The following CATSPER2 variants were observed in gnomAD, a reference collection of about 807,000 sequenced individuals.
The protein encoded by CATSPER2 is cation channel sperm associated 2.
Under a neutral mutation model 68.8 loss-of-function variants are expected in CATSPER2, and 56 were observed. The ratio of observed to expected loss-of-function variants is 0.81; its 90% CI spans 0.66 to 1.02. The LOEUF is 1.02. Among genes scored for constraint, CATSPER2 ranks in the 50% least tolerant of loss-of-function variants. The pLI, the probability that CATSPER2 is intolerant of heterozygous loss-of-function variation, is 0.00. For synonymous variants in CATSPER2, 198 were observed against 229.9 expected, an observed-to-expected ratio of 0.86 and a Z score of 1.26; for missense variants, 582 against 642.0, an observed-to-expected ratio of 0.91 and a Z score of 1.01.
intron 1 of CATSPER2, 45 bp downstream of exon 1, chr15:43,648,584 G>A (rs936133658): frequency 2.9e-5 from 40 of 1,366,358 alleles, no homozygotes; most frequent in Middle Eastern, 5.4e-4. Context: ...ACACTCCTTC[G>A]GGGGCTAGCT....
At chr15:43,641,413 G>A (rs1168946553) in intron 4 of CATSPER2, among the ~76,000 whole-genome samples, 2 of 151,204 alleles carry the variant, frequency 1.3e-5, no homozygotes, top group South Asian at 4.2e-4. Context: ...ACACCTGGCC[G>A]AAACCTATTA....
rs918632665 is a variant in CATSPER2 at position 43,629,831 on chromosome 15, A to G, written c.*870T>C. ...CGGTCCAGAAACAGGTAAAAATAAT[A>G]TCCAATTAAAGTTAATGGTTCACAA... is the stretch of plus-strand genomic sequence containing the variant. On this transcript the variant is annotated 3_prime_UTR_variant, in exon 13 of 13. Coordinates refer to ENST00000396879, the MANE Select transcript of CATSPER2 (RefSeq NM_172095.4). 4.1e-4 allele frequency: 62 copies of G among 151,882 alleles called. No individual in the cohort carries two copies. Among genetic ancestry groups the G allele is most frequent in the African/African-American group, 1.4e-3 (58 of 41,286 alleles). The allele number at this position is 151,882 out of a possible 1,614,324, so 9.4% of individuals were successfully genotyped here.
intron 4 of CATSPER2, among the ~76,000 whole-genome samples, chr15:43,643,929 G>A (rs1456881902): frequency 6.6e-6 from 1 of 151,874 alleles, no homozygotes; most frequent in Non-Finnish European, 1.5e-5. Flanking sequence ...GCTCACTGCT[G>A]CCTCAATCTC....
At chr15:43,640,181 G>A in intron 5 of CATSPER2, 143 bp downstream of exon 5, 2 of 1,558,214 alleles carry the variant, frequency 1.3e-6, no homozygotes, top group Non-Finnish European at 1.7e-6. Flanking sequence ...AATGATTGAT[G>A]TTTAGTTTTA....
intron 7 of CATSPER2, among the ~76,000 whole-genome samples, chr15:43,637,164 T>C (rs2085979705): frequency 6.6e-6 from 1 of 151,902 alleles, no homozygotes; most frequent in Non-Finnish European, 1.5e-5. Context: ...TGGACTCCAC[T>C]TAATAGAAGA....
In CATSPER2 at chr15:43,632,360, C is replaced by G. The variant is rs558757476; in HGVS notation, c.1400G>C (p.Arg467Pro). Reference sequence around the variant, plus strand: ...GTGCACAAGAGTCTCCCAGTCCAAACGACCTGCAGGGAGGAATGCTTCAGA... The same window carrying G: ...GTGCACAAGAGTCTCCCAGTCCAAAGGACCTGCAGGGAGGAATGCTTCAGA... ...SESRFSESIG[R>P]LDWETLVHEN... Residue 467 changes from arginine to proline, a missense_variant, in exon 12 of 13, where the codon CGT becomes CCT. By Grantham distance (103) the Arg-to-Pro change is moderately radical. Coordinates refer to ENST00000396879, the MANE Select transcript of CATSPER2 (RefSeq NM_172095.4). 1.7e-5 allele frequency: 27 copies of G among 1,613,412 alleles called. No individual in the cohort carries two copies. Among genetic ancestry groups the G allele is most frequent in the Non-Finnish European group, 2.1e-5 (25 of 1,179,836 alleles).
chr15:43,637,546 T>G (rs1352573335), intron 7 of CATSPER2: 1 of 151,940 alleles, frequency 6.6e-6, no homozygotes, highest in Non-Finnish European at 1.5e-5. Flanking sequence ...CTGACAAGAT[T>G]GAATTCTAAT....
At position 43,648,831 on chromosome 15, in the gene CATSPER2, C is replaced by G. The variant is rs2086224786; in HGVS notation, c.-205G>C. On this transcript the variant is annotated 5_prime_UTR_variant, in exon 1 of 13. Coordinates refer to ENST00000396879, the MANE Select transcript of CATSPER2 (RefSeq NM_172095.4). ...CCTAGCCCCTACCCACAGCCCAGGA[C>G]CATGCGGAGCAACGCTCGCCCAGCC... 1.3e-6 allele frequency: 2 copies of G among 1,531,226 alleles called. No homozygotes were observed. Among genetic ancestry groups the G allele is most frequent in the Non-Finnish European group, 1.7e-6 (2 of 1,143,178 alleles). The allele number at this position is 1,531,226 out of a possible 1,614,324, so 94.9% of individuals were successfully genotyped here.
At position 43,647,096 on chromosome 15, in the gene CATSPER2, G is replaced by T. The variant is rs1172417178; in HGVS notation, c.342C>A (p.Ile114=). 6.2e-7 allele frequency: 1 copy of T among 1,612,838 alleles called. No individual in the cohort carries two copies. The highest frequency in any genetic ancestry group is 2.2e-5 in the East Asian group (1 of 44,876). Residue 114 remains isoleucine (I), a synonymous_variant, in exon 4 of 13, where the codon ATC becomes ATA. Transcript: ENST00000396879. ...VLECPLFKNF[I]IFLVFLNTII... is the part of the protein sequence containing the mutation. The stretch of plus-strand genomic sequence containing the variant: ...TCGTATTCAAAAAGACCAGGAAGAT[G>T]ATGAAGTTTTTGAAGAGAGGACCTG...
intron 11 of CATSPER2, 27 bp downstream of exon 11, chr15:43,632,690 A>C: frequency 1.9e-6 from 3 of 1,612,528 alleles, no homozygotes; most frequent in Non-Finnish European, 2.5e-6. Flanking sequence ...AATGGAAAAA[A>C]CTCATTATTA....
At chr15:43,632,589 A>C (rs1174955263) in intron 11 of CATSPER2, 128 bp downstream of exon 11, 2 of 1,565,940 alleles carry the variant, frequency 1.3e-6, no homozygotes, top group Non-Finnish European at 1.7e-6. Flanking sequence ...AGAAGCAAAA[A>C]CAAAGTAATT....
chr15:43,640,117 T>C lies in CATSPER2; in HGVS notation c.561+207A>G, dbSNP rs924747366. ...GCTCAGTAACCGGCAGATGCTCTTG[T>C]TGGCATTGATGTTGTAGTTAGTCTA... is the stretch of plus-strand genomic sequence containing the variant. On this transcript the variant is annotated intron_variant, in intron 5 of 12. Transcript: ENST00000396879. 2.1e-6 allele frequency: 3 copies of C among 1,442,872 alleles called. No individual in the cohort carries two copies. In the African/African-American group the frequency reaches 4.3e-5, roughly 21 times the overall value. The allele number at this position is 1,442,872 out of a possible 1,614,324, so 89.4% of individuals were successfully genotyped here.
At chr15:43,640,103 G>A (rs1255026709) in intron 5 of CATSPER2, 21 of 1,437,992 alleles carry the variant, frequency 1.5e-5, no homozygotes, top group East Asian at 2.5e-5. Context: ...CTCAGTAACC[G>A]GCAGATGCTC....
chr15:43,632,874 C>G lies in CATSPER2; in HGVS notation c.1239G>C (p.Glu413Asp), dbSNP rs777550990. The G allele has an allele frequency of 9.9e-6, 16 of 1,611,506 alleles. 1 individual carries two copies. Among genetic ancestry groups the G allele is most frequent in the Non-Finnish European group, 1.3e-5 (15 of 1,178,076 alleles). Residue 413 changes from glutamate (E) to aspartate (D), a missense_variant, in exon 11 of 13, where the codon GAG becomes GAC. By Grantham distance (45) the Glu-to-Asp change is conservative. This residue lies in a region of CATSPER2 where 235 missense variants were observed against 264.2 expected (regional missense o/e 0.89). Coordinates refer to ENST00000396879, the MANE Select transcript of CATSPER2 (RefSeq NM_172095.4). ...CCTCTTCAGTGGCACCATAATTAGA[C>G]TCTACTTCAGACACTTCTGATAAGT... is the stretch of plus-strand genomic sequence containing the variant. ...SLDLSEVSEVESNYGATEEDL... is the reference protein window; with the variant it reads ...SLDLSEVSEVDSNYGATEEDL...
At chr15:43,633,027 T>G in intron 10 of CATSPER2, 93 bp from the exon 11 acceptor site, 1 of 1,044,654 alleles carries the variant, frequency 9.6e-7, no homozygotes, top group Admixed American at 2.3e-5. Flanking sequence ...CCCCTAAAGC[T>G]GGGGCATAAG....
intron 12 of CATSPER2, among the ~76,000 whole-genome samples, chr15:43,631,775 C>T (rs533956860): frequency 3.9e-5 from 6 of 151,986 alleles, no homozygotes; most frequent in African/African-American, 1.4e-4. Flanking sequence ...TTGTCTGATC[C>T]CCCATAGCTC....
intron 1 of CATSPER2, 66 bp from the exon 2 acceptor site, chr15:43,648,129 T>G: frequency 6.4e-7 from 1 of 1,562,300 alleles, no homozygotes; most frequent in East Asian, 2.2e-5. Flanking sequence ...ATTACAGGTT[T>G]TCTGTCCCCT....
chr15:43,635,661 G>T, intron 9 of CATSPER2, 66 bp downstream of exon 9: 2 of 1,475,140 alleles, frequency 1.4e-6, no homozygotes, highest in Non-Finnish European at 1.9e-6. Flanking sequence ...TCGAGAAGTA[G>T]AAACAAGAAA....
intron 4 of CATSPER2, among the ~76,000 whole-genome samples, chr15:43,645,075 T>C (rs994771953): frequency 5.9e-5 from 9 of 151,920 alleles, no homozygotes; most frequent in South Asian, 2.1e-4. Flanking sequence ...TTTTATTTTT[T>C]TGAGACAGGG....
Sources: gnomAD v4.1 joint callset for allele counts (sites outside exome capture counted in the v4.1 genomes callset) on GRCh38, gnomAD v4.1.1 for gene constraint, gnomAD v4.1.1 regional missense constraint, MANE v1.5 for transcripts, NCBI Gene and HGNC (gene_info 2026-07-23, HGNC 2026-07-21) for gene names.